EPG5: variants seen among roughly 807,000 people sequenced by gnomAD.
The protein encoded by EPG5 is ectopic P-granules 5 autophagy tethering factor.
Under a neutral mutation model 302.7 loss-of-function variants are expected in EPG5, and 159 were observed. The ratio of observed to expected loss-of-function variants is 0.53; its 90% CI spans 0.46 to 0.60. The LOEUF is 0.60. Among genes scored for constraint, EPG5 ranks in the 20% least tolerant of loss-of-function variants. The pLI is 0.00. For missense variants in EPG5, 2,896 were observed against 3,092.4 expected, an observed-to-expected ratio of 0.94 and a Z score of 1.51; for synonymous variants, 1,158 against 1,136.8, an observed-to-expected ratio of 1.02 and a Z score of -0.37.
the EPG5 span, among the ~76,000 whole-genome samples, chr18:45,814,870 G>A: frequency 6.6e-6 from 1 of 152,168 alleles, no homozygotes; most frequent in Non-Finnish European, 1.5e-5. Flanking sequence ...TTAACTACAA[G>A]CCAATATACA....
rs1219038752 is a variant in EPG5, at chr18:45,943,215, G to A, written c.1889C>T (p.Thr630Ile). Residue 630 changes from threonine to isoleucine, a missense_variant, in exon 9 of 44, where the codon ACC becomes ATC. Thr to Ile is a moderately conservative substitution (Grantham distance 89, BLOSUM62 -1). Coordinates refer to ENST00000282041, the MANE Select transcript of EPG5 (RefSeq NM_020964.3). ...CTGCCTATAGCGTGCTCTATTAAAG[G>A]TTTCTAACCCCACAGCCAGAAGTTC... ...LVELLAVGLE[T>I]FNRARYRQFV... 1 of 1,614,100 alleles carries A rather than the reference G, an allele frequency of 6.2e-7. No homozygotes were observed. Among genetic ancestry groups the A allele is most frequent in the Non-Finnish European group, 8.5e-7 (1 of 1,180,022 alleles).
In EPG5 at chr18:45,867,719, G is replaced by A. The variant is rs745414739; in HGVS notation, c.6255C>T (p.Phe2085=). 6.2e-7 allele frequency: 1 copy of A among 1,607,376 alleles called. No homozygotes were observed. The highest frequency in any genetic ancestry group is 8.5e-7 in the Non-Finnish European group (1 of 1,177,338). Residue 2085 remains phenylalanine, a synonymous_variant, in exon 37 of 44, where the codon TTC becomes TTT. Transcript: ENST00000282041. ...CACAGAGTACAGACCCCAAAAATAA[G>A]AAACAGCTCTTGGGGCTTCCTCGTT... ...KVERGSPKSC[F]LFLGSVLCEV...
intron 25 of EPG5, among the ~76,000 whole-genome samples, chr18:45,901,500 T>C (rs1409277160): frequency 6.6e-6 from 1 of 152,150 alleles, no homozygotes; most frequent in Non-Finnish European, 1.5e-5. Flanking sequence ...TGGAGGCAGG[T>C]CACCCAGTTA....
chr18:45,922,257 C>G, intron 16 of EPG5, 84 bp downstream of exon 16: 2 of 1,519,218 alleles, frequency 1.3e-6, no homozygotes, highest in Non-Finnish European at 1.8e-6. Context: ...TTGACAGAGG[C>G]CTCAGAACTT....
At position 45,967,258 on chromosome 18, in the gene EPG5, G is replaced by T. The variant is rs1439106320; in HGVS notation, c.-19C>A. 1 of 1,573,324 alleles carries T rather than the reference G, an allele frequency of 6.4e-7. No individual in the cohort carries two copies. Among genetic ancestry groups the T allele is most frequent in the Non-Finnish European group, 8.6e-7 (1 of 1,159,548 alleles). On this transcript the variant is annotated 5_prime_UTR_variant, in exon 1 of 44. Transcript: ENST00000282041. ...CGGCCATAGACCCTTCCGCGGCGCC[G>T]TCACCGTTTGTTTTTGTCAAACCCC...
Position 45,955,248 on chromosome 18 carries a change from C to G in EPG5, c.154G>C (p.Ala52Pro). 6.2e-7 allele frequency: 1 copy of G among 1,614,172 alleles called. No homozygotes were observed. Among genetic ancestry groups the G allele is most frequent in the Non-Finnish European group, 8.5e-7 (1 of 1,180,008 alleles). The change falls in exon 2 of 44, where the codon GCC becomes CCC. Residue 52 changes from alanine to proline, a missense_variant. By Grantham distance (27) the Ala-to-Pro change is conservative (BLOSUM62 -1). Coordinates refer to ENST00000282041, the MANE Select transcript of EPG5 (RefSeq NM_020964.3). ...TSREQEIPSL[A>P]CEFKGDHLKV... is the part of the protein sequence containing the mutation. ...AGATGGTCTCCTTTGAATTCACAGG[C>G]TAGAGAAGGGATTTCCTGCTCTCTG...
chr18:45,867,557 A>G lies in EPG5; in HGVS notation c.6411+6T>C. On this transcript the variant is annotated splice_donor_region_variant and intron_variant, in intron 37 of 43. Transcript: ENST00000282041. ...CGAATTTTTGCCATAAGCTTCCCAA[A>G]CTTACTGTTTGGTCTACCAGTTGAA... is the stretch of plus-strand genomic sequence containing the variant. 2 of 1,612,844 alleles carry G rather than the reference A, an allele frequency of 1.2e-6. No homozygotes were observed. The highest frequency in any genetic ancestry group is 1.7e-6 in the Non-Finnish European group (2 of 1,179,212).
At chr18:45,832,489 G>A in the EPG5 span, among the ~76,000 whole-genome samples, 1 of 151,414 alleles carries the variant, frequency 6.6e-6, no homozygotes, top group African/African-American at 2.4e-5. Context: ...GACGTGCCAG[G>A]CACAGATTGG....
At chr18:45,958,480 T>G (rs2051078815) in intron 1 of EPG5, among the ~76,000 whole-genome samples, 1 of 152,058 alleles carries the variant, frequency 6.6e-6, no homozygotes, top group Admixed American at 6.5e-5. Flanking sequence ...GACAAATAGA[T>G]CAAAGGAACA....
At chr18:45,966,933 C>A (rs1199039044) in intron 1 of EPG5, among the ~76,000 whole-genome samples, 1 of 151,986 alleles carries the variant, frequency 6.6e-6, no homozygotes, top group African/African-American at 2.4e-5. Flanking sequence ...AAGGAAGAGG[C>A]CAGTGAAGTC....
intron 13 of EPG5, among the ~76,000 whole-genome samples, chr18:45,926,372 G>C (rs1465518462): frequency 1.3e-5 from 2 of 152,084 alleles, no homozygotes; most frequent in East Asian, 3.8e-4. Flanking sequence ...GAGACCAAGA[G>C]TTGATAGCTA....
At position 45,954,472 on chromosome 18, in the gene EPG5, C is replaced by T. The variant is rs776545263; in HGVS notation, c.930G>A (p.Glu310=). Residue 310 remains glutamate, a synonymous_variant, in exon 2 of 44, where the codon GAG becomes GAA. Coordinates refer to ENST00000282041, the MANE Select transcript of EPG5 (RefSeq NM_020964.3). The part of the protein sequence containing the change: ...CRKQLLLAEA[E]LLTLTSDCQN... ...GGCAATCAGATGTCAGAGTAAGCAG[C>T]TCAGCTTCAGCCAGCAGCAGTTGCT... 1.9e-6 allele frequency: 3 copies of T among 1,614,258 alleles called. No individual in the cohort carries two copies. In the South Asian group the frequency reaches 3.3e-5, roughly 18 times the overall value.
Position 45,952,519 on chromosome 18 carries a change from G to T in EPG5, c.1133C>A (p.Thr378Asn). ...AGAAGTATAAGAATGAAGGGCCAGGGTCTGGTGGAGGTGCTCAGATTTGGC... is the reference window on the plus strand; with the variant it reads ...AGAAGTATAAGAATGAAGGGCCAGGTTCTGGTGGAGGTGCTCAGATTTGGC... ...FDAKSEHLHQ[T>N]LALHSYTSVL... The change falls in exon 3 of 44, where the codon ACC becomes AAC. Residue 378 changes from threonine to asparagine, a missense_variant. Physicochemically the swap from Thr to Asn is moderately conservative, Grantham distance 65. Transcript: ENST00000282041. 1 of 1,614,162 alleles carries T rather than the reference G, an allele frequency of 6.2e-7. No individual in the cohort carries two copies. Among genetic ancestry groups the T allele is most frequent in the Non-Finnish European group, 8.5e-7 (1 of 1,180,016 alleles).
At chr18:45,809,008 A>G in the EPG5 span, among the ~76,000 whole-genome samples, 1 of 152,206 alleles carries the variant, frequency 6.6e-6, no homozygotes, top group African/African-American at 2.4e-5. Flanking sequence ...CTAACACATA[A>G]GGACTCACAT....
At chr18:45,831,623 C>A in the EPG5 span, among the ~76,000 whole-genome samples, 2 of 152,112 alleles carry the variant, frequency 1.3e-5, no homozygotes, top group African/African-American at 4.8e-5. Context: ...TGAGTGAATA[C>A]ATGAATGAAT....
At chr18:45,961,785 G>A (rs961284402) in intron 1 of EPG5, among the ~76,000 whole-genome samples, 1 of 151,038 alleles carries the variant, frequency 6.6e-6, no homozygotes, top group Non-Finnish European at 1.5e-5. Context: ...TTGAACCTGG[G>A]AGGCAAAGGT....
chr18:45,960,070 A>G (rs1254061208), intron 1 of EPG5, among the ~76,000 whole-genome samples: 1 of 152,150 alleles, frequency 6.6e-6, no homozygotes, highest in Admixed American at 6.5e-5. Flanking sequence ...CTTGAGCCCA[A>G]GAGTTTGAGA....
chr18:45,934,686 T>A (rs938805111), intron 11 of EPG5, 123 bp downstream of exon 11: 1 of 1,095,778 alleles, frequency 9.1e-7, no homozygotes, highest in Non-Finnish European at 1.3e-6. Flanking sequence ...TTCAAAATCA[T>A]TACACATGAG....
In EPG5 at chr18:45,899,317, A is replaced by G. The variant is rs2049550715; in HGVS notation, c.4809+87T>C. On this transcript the variant is annotated intron_variant, in intron 27 of 43. Coordinates refer to ENST00000282041, the MANE Select transcript of EPG5 (RefSeq NM_020964.3). ...GTTTGGGACACAGACAGTGTGCTATATATGTCTTTCAATCTTTCTCATTGA... is the reference window on the plus strand; with the variant it reads ...GTTTGGGACACAGACAGTGTGCTATGTATGTCTTTCAATCTTTCTCATTGA... 2.0e-5 allele frequency: 29 copies of G among 1,468,768 alleles called. No homozygotes were observed. The South Asian group carries it at 3.4e-4, about 17-fold the overall frequency. 91.0% of individuals were successfully genotyped at this position (1,468,768 alleles called of 1,614,324 possible).
Sources: allele counts gnomAD v4.1 joint callset (sites outside exome capture counted in the v4.1 genomes callset), GRCh38; gene constraint gnomAD v4.1.1; transcripts MANE v1.5; gene names NCBI Gene and HGNC (gene_info 2026-07-23, HGNC 2026-07-21).